DLG2: variants seen among roughly 807,000 people sequenced by gnomAD.
DLG2 encodes the protein disks large homolog 2.
DLG2 carries 45 observed loss-of-function variants against 132.5 expected under a neutral mutation model. The ratio of observed to expected loss-of-function variants is 0.34; its 90% CI spans 0.27 to 0.44. The LOEUF is 0.44. Among genes scored for constraint, DLG2 ranks in the 20% least tolerant of loss-of-function variants. DLG2 has a pLI of 1.00. For missense variants in DLG2, 1,045 were observed against 1,196.9 expected (o/e 0.87, Z 1.87); for synonymous variants, 424 against 419.6 (o/e 1.01, Z -0.13).
rs1047784635 is a variant in DLG2, at chr11:84,068,468, A to G, written c.750-8984T>C. ...AGCTTATCTCATCTTCTAGGATGCC[A>G]TCTTTGGCCCAGTTATTTGCTCCAG... On this transcript the variant is annotated intron_variant, in intron 10 of 27. Transcript: ENST00000376104. Among the ~76,000 whole-genome samples the G allele has an allele frequency of 3.9e-5, 6 of 152,170 alleles. 1 individual carries two copies. The South Asian group carries it at 6.2e-4, about 16-fold the overall frequency.
chr11:84,508,538 G>C (rs2099248667), intron 7 of DLG2, among the ~76,000 whole-genome samples: 1 of 151,698 alleles, frequency 6.6e-6, no homozygotes, highest in Admixed American at 6.6e-5. Context: ...AAGTAGCTGG[G>C]ACTACAGGTG....
intron 7 of DLG2, among the ~76,000 whole-genome samples, chr11:84,338,813 CAAT>C (rs745864187): frequency 6.6e-6 from 1 of 151,606 alleles, no homozygotes; most frequent in African/African-American, 2.4e-5. Context: ...CTCAAAATAA[CAAT>C]AATAATAATA....
intron 6 of DLG2, among the ~76,000 whole-genome samples, chr11:84,662,682 G>A (rs2099695717): frequency 6.6e-6 from 1 of 151,190 alleles, no homozygotes; most frequent in Admixed American, 6.6e-5. Flanking sequence ...AGCTACTAGG[G>A]AGGCTGAGAC....
chr11:83,459,919 C>T lies in DLG2; in HGVS notation c.2827G>A (p.Val943Ile). Residue 943 changes from valine (V) to isoleucine (I), a missense_variant, in exon 28 of 28, where the codon GTC becomes ATC. Physicochemically the swap from Val to Ile is conservative, Grantham distance 29. Around this residue, in one of 4 missense-constraint regions of DLG2, gnomAD observed 398 missense variants for 543.6 expected, o/e 0.73. Coordinates refer to ENST00000376104, the MANE Select transcript of DLG2 (RefSeq NM_001142699.3). Reference protein sequence around the residue: ...QEFGEYFTAIVQGDTLEDIYN... With the variant: ...QEFGEYFTAIIQGDTLEDIYN... Reference sequence around the variant, plus strand: ...ATATCTTCTAAAGTATCTCCTTGGACAATAGCTGTAACAAAAGCAAACACA... The same window carrying T: ...ATATCTTCTAAAGTATCTCCTTGGATAATAGCTGTAACAAAAGCAAACACA... 1 of 1,564,516 alleles carries T rather than the reference C, an allele frequency of 6.4e-7. No homozygotes were observed. The highest frequency in any genetic ancestry group is 8.8e-7 in the Non-Finnish European group (1 of 1,137,786).
At chr11:85,093,641 T>C (rs777241602) in intron 6 of DLG2, among the ~76,000 whole-genome samples, 11 of 152,310 alleles carry the variant, frequency 7.2e-5, no homozygotes, top group Admixed American at 1.3e-4. Flanking sequence ...TGAAAGAACG[T>C]GTGCGGGGGA....
chr11:83,927,660 T>C (rs75414235), intron 15 of DLG2, among the ~76,000 whole-genome samples: 4,287 of 152,202 alleles, frequency 0.028, 184 homozygotes, highest in African/African-American at 0.097. Flanking sequence ...TGACTTCGCA[T>C]TGCATCCTAA....
intron 4 of DLG2, among the ~76,000 whole-genome samples, chr11:85,239,651 A>C (rs2075777938): frequency 6.6e-6 from 1 of 151,976 alleles, no homozygotes; most frequent in African/African-American, 2.4e-5. Flanking sequence ...ATAAAAGTCT[A>C]TCCTATTTAT....
At chr11:84,289,503 G>A (rs555083367) in intron 7 of DLG2, among the ~76,000 whole-genome samples, 1 of 152,044 alleles carries the variant, frequency 6.6e-6, no homozygotes, top group Admixed American at 6.5e-5. Flanking sequence ...TGGGGGAAAT[G>A]AGACATGACT....
chr11:84,669,843 T>C (rs2099703816), intron 6 of DLG2, among the ~76,000 whole-genome samples: 4 of 152,060 alleles, frequency 2.6e-5, no homozygotes, highest in Admixed American at 2.6e-4. Flanking sequence ...CTTTGCATGC[T>C]GGCAGAGAAT....
chr11:84,764,756 A>G (rs1482018936), intron 6 of DLG2, among the ~76,000 whole-genome samples: 7 of 152,130 alleles, frequency 4.6e-5, no homozygotes, highest in African/African-American at 1.7e-4. Flanking sequence ...TATATTTTGA[A>G]CATTGGCTAC....
At chr11:84,491,255 T>G (rs1267937036) in intron 7 of DLG2, among the ~76,000 whole-genome samples, 1 of 152,044 alleles carries the variant, frequency 6.6e-6, no homozygotes. Flanking sequence ...GGGGCAGGTC[T>G]TTCTCGTGCT....
chr11:85,473,807 C>A (rs540100654), intron 3 of DLG2, among the ~76,000 whole-genome samples: 1 of 151,618 alleles, frequency 6.6e-6, no homozygotes, highest in African/African-American at 2.4e-5. Flanking sequence ...GAAAAGGTAG[C>A]AAAGAACAGA....
intron 6 of DLG2, among the ~76,000 whole-genome samples, chr11:84,978,576 A>G (rs1298842843): frequency 6.6e-6 from 1 of 152,172 alleles, no homozygotes; most frequent in South Asian, 2.1e-4. Context: ...AGGATTCCCT[A>G]TTTAATAAAT....
chr11:83,576,059 TA>T (rs996425432), intron 19 of DLG2, among the ~76,000 whole-genome samples: 9 of 151,798 alleles, frequency 5.9e-5, no homozygotes, highest in South Asian at 4.2e-4. Flanking sequence ...ATGAAACATA[TA>T]AAAAAAATCC....
At chr11:84,072,425 G>T (rs547738272) in intron 10 of DLG2, among the ~76,000 whole-genome samples, 1 of 152,330 alleles carries the variant, frequency 6.6e-6, no homozygotes, top group African/African-American at 2.4e-5. Flanking sequence ...TAGGAAAAAT[G>T]CTATTAAAAT....
At chr11:83,484,259 C>G (rs1463321231) in intron 21 of DLG2, 31 bp from the exon 22 acceptor site, 9 of 1,494,010 alleles carry the variant, frequency 6.0e-6, no homozygotes, top group Non-Finnish European at 5.6e-6. Flanking sequence ...GGGGCAAAAA[C>G]AGGGGACGTC....
At chr11:85,050,820 C>G (rs758575335) in intron 6 of DLG2, among the ~76,000 whole-genome samples, 2 of 152,074 alleles carry the variant, frequency 1.3e-5, no homozygotes, top group African/African-American at 2.4e-5. Context: ...ATGTATAAAA[C>G]CTACTCATGC....
At chr11:85,079,569 C>G (rs1313825330) in intron 6 of DLG2, among the ~76,000 whole-genome samples, 1 of 148,388 alleles carries the variant, frequency 6.7e-6, no homozygotes, top group African/African-American at 2.5e-5. Context: ...AACTTTTATT[C>G]TGTCCCATAG....
At chr11:83,700,807 T>C (rs2082796415) in intron 18 of DLG2, among the ~76,000 whole-genome samples, 1 of 152,146 alleles carries the variant, frequency 6.6e-6, no homozygotes, top group African/African-American at 2.4e-5. Flanking sequence ...TTTTGCTCCA[T>C]CTGCACTGAA....
Sources: gnomAD v4.1 joint callset for allele counts (sites outside exome capture counted in the v4.1 genomes callset) on GRCh38, gnomAD v4.1.1 for gene constraint, gnomAD v4.1.1 regional missense constraint, MANE v1.5 for transcripts, NCBI Gene and HGNC (gene_info 2026-07-23, HGNC 2026-07-21) for gene names.